Variants in SLIT3 observed in about 807,000 individuals in gnomAD.
SLIT3 encodes slit guidance ligand 3.
A neutral mutation model predicts 184.0 loss-of-function variants in SLIT3; 68 were observed. The observed-to-expected ratio is 0.37, with a 90% CI of 0.30 to 0.45. The LOEUF (loss-of-function observed/expected upper bound fraction) is 0.45, where lower values mean the gene tolerates loss of function less well. Among genes scored for constraint, SLIT3 ranks in the 20% least tolerant of loss-of-function variants. SLIT3 has a pLI of 1.00. For missense variants in SLIT3, 1,707 were observed against 2,026.0 expected (o/e 0.84, Z 3.02); for synonymous variants, 831 against 828.6 (o/e 1.00, Z -0.05).
intron 20 of SLIT3, among the ~76,000 whole-genome samples, chr5:168,726,283 C>G (rs1763104976): frequency 6.7e-6 from 1 of 149,470 alleles, no homozygotes; most frequent in Non-Finnish European, 1.5e-5. Flanking sequence ...ATCGTATATA[C>G]TGGTGAATAA....
chr5:168,679,572 G>GAGGA (rs1761518047), intron 32 of SLIT3, among the ~76,000 whole-genome samples: 1 of 152,164 alleles, frequency 6.6e-6, no homozygotes, highest in Non-Finnish European at 1.5e-5. Flanking sequence ...GGACTTGAGG[G>GAGGA]AGGAAGGGTT....
At chr5:168,802,739 T>C (rs531047925) in intron 9 of SLIT3, among the ~76,000 whole-genome samples, 59 of 152,366 alleles carry the variant, frequency 3.9e-4, no homozygotes, top group Middle Eastern at 3.4e-3. Context: ...ATCATCCTAA[T>C]AAAGGTCGTG....
intron 5 of SLIT3, among the ~76,000 whole-genome samples, chr5:168,873,176 C>T (rs769998189): frequency 4.6e-5 from 7 of 152,136 alleles, no homozygotes; most frequent in Admixed American, 6.5e-5. Context: ...TGAGAGTCCA[C>T]GCTAATCTTG....
At chr5:169,177,431 G>A (rs1298323560) in intron 4 of SLIT3, among the ~76,000 whole-genome samples, 2 of 152,150 alleles carry the variant, frequency 1.3e-5, no homozygotes, top group East Asian at 1.9e-4. Flanking sequence ...CATGCTGAGC[G>A]GGGAAATCAG....
At chr5:168,820,958 C>T (rs761502200) in intron 7 of SLIT3, among the ~76,000 whole-genome samples, 2 of 152,140 alleles carry the variant, frequency 1.3e-5, no homozygotes, top group African/African-American at 4.8e-5. Flanking sequence ...AGCCGTCCCC[C>T]CCAACCCCAT....
chr5:169,199,763 T>C (rs1054215837), intron 3 of SLIT3, among the ~76,000 whole-genome samples: 1 of 152,206 alleles, frequency 6.6e-6, no homozygotes, highest in African/African-American at 2.4e-5. Flanking sequence ...TTACCTACTA[T>C]GTGTAGTGAG....
intron 5 of SLIT3, among the ~76,000 whole-genome samples, chr5:168,849,598 C>A (rs1161619324): frequency 3.9e-5 from 6 of 152,148 alleles, no homozygotes; most frequent in African/African-American, 1.4e-4. Context: ...TTCACACTGT[C>A]TTAGGTACTC....
At chr5:168,720,882 T>G (rs927534205) in intron 23 of SLIT3, 1 of 152,112 alleles carries the variant, frequency 6.6e-6, no homozygotes, top group Admixed American at 6.6e-5. Flanking sequence ...GGCTCTGAAA[T>G]GGACTAGCTT....
intron 23 of SLIT3, among the ~76,000 whole-genome samples, chr5:168,716,879 C>T (rs1450437933): frequency 6.7e-6 from 1 of 149,834 alleles, no homozygotes; most frequent in African/African-American, 2.5e-5. Context: ...GCTAGGAGCC[C>T]AGAGGTGAGT....
At chr5:168,907,979 T>TATATATATATATAGAGAG (rs376418381) in intron 4 of SLIT3, among the ~76,000 whole-genome samples, 1 of 50,086 alleles carries the variant, frequency 2.0e-5, no homozygotes, top group Non-Finnish European at 3.3e-5. Flanking sequence ...TATATATATA[T>TATATATATATATAGAGAG]AGAGAGAGAG....
At chr5:168,955,597 G>A (rs769018579) in intron 4 of SLIT3, among the ~76,000 whole-genome samples, 10 of 152,324 alleles carry the variant, frequency 6.6e-5, no homozygotes, top group Non-Finnish European at 1.3e-4. Context: ...GTACCCACCC[G>A]ATGGCAGGTG....
intron 4 of SLIT3, among the ~76,000 whole-genome samples, chr5:169,033,965 A>G (rs1757138746): frequency 6.6e-6 from 1 of 151,914 alleles, no homozygotes; most frequent in African/African-American, 2.4e-5. Flanking sequence ...GGTGTCCACC[A>G]CCACGCCCGG....
intron 7 of SLIT3, among the ~76,000 whole-genome samples, chr5:168,818,711 TAG>T (rs1433498235): frequency 2.6e-5 from 4 of 152,194 alleles, no homozygotes; most frequent in African/African-American, 9.7e-5. Flanking sequence ...ACGCCTGGAA[TAG>T]AGAGAGCTGA....
chr5:168,936,368 G>A (rs1762158655), intron 4 of SLIT3, among the ~76,000 whole-genome samples: 2 of 152,130 alleles, frequency 1.3e-5, no homozygotes, highest in Non-Finnish European at 2.9e-5. Context: ...CTAAGTAGCT[G>A]GGATTACATG....
intron 4 of SLIT3, among the ~76,000 whole-genome samples, chr5:168,883,999 A>G (rs1019861900): frequency 2.0e-5 from 3 of 152,008 alleles, no homozygotes; most frequent in Non-Finnish European, 4.4e-5. Context: ...TGTTGCTTTG[A>G]GGAGGGTGAG....
At chr5:169,026,431 A>G (rs1287980217) in intron 4 of SLIT3, 1 of 152,210 alleles carries the variant, frequency 6.6e-6, no homozygotes, top group Non-Finnish European at 1.5e-5. Flanking sequence ...ATCTTTGCAG[A>G]GACAAGCAAA....
chr5:168,787,405 G>A (rs1265220752), intron 11 of SLIT3, among the ~76,000 whole-genome samples: 2 of 152,162 alleles, frequency 1.3e-5, no homozygotes, highest in Non-Finnish European at 2.9e-5. Context: ...TCTCCTGCCT[G>A]TGTGGTCTCC....
chr5:168,936,710 A>C (rs1269363982), intron 4 of SLIT3, among the ~76,000 whole-genome samples: 3 of 152,164 alleles, frequency 2.0e-5, no homozygotes, highest in Non-Finnish European at 2.9e-5. Flanking sequence ...GCCTGTTCCC[A>C]GGCTGGGTGA....
chr5:168,870,804 G>A (rs990053248), intron 5 of SLIT3, among the ~76,000 whole-genome samples: 1 of 152,118 alleles, frequency 6.6e-6, no homozygotes, highest in Non-Finnish European at 1.5e-5. Flanking sequence ...TATCACTGTT[G>A]AAAATAACTA....
Sources: allele counts gnomAD v4.1 joint callset (sites outside exome capture counted in the v4.1 genomes callset), GRCh38; gene constraint gnomAD v4.1.1; transcripts MANE v1.5; gene names NCBI Gene and HGNC (gene_info 2026-07-23, HGNC 2026-07-21).